SNX31: variants seen among roughly 807,000 people sequenced by gnomAD.
The protein encoded by SNX31 is sorting nexin-31.
SNX31 carries 58 observed loss-of-function variants against 65.4 expected under a neutral mutation model. The ratio of observed to expected loss-of-function variants is 0.89; its 90% CI spans 0.72 to 1.10. The LOEUF is 1.10. Ranked by LOEUF, SNX31 falls within the 50% of genes least tolerant of loss-of-function variation. SNX31 has a pLI of 0.00. For synonymous variants in SNX31, 181 were observed against 190.1 expected (o/e 0.95, Z 0.39); for missense variants, 523 against 529.7 (o/e 0.99, Z 0.12).
rs991399874 is a variant in SNX31 at position 100,594,165 on chromosome 8, C to T, written c.978+2474G>A. Among the ~76,000 whole-genome samples the T allele has an allele frequency of 6.6e-6, 1 of 151,922 alleles. No homozygotes were observed. ...TAAAAATACAAAAAATTAGCCCTGC[C>T]TGGTGGTGCATGCCTGTAATCCCAG... On this transcript the variant is annotated intron_variant, in intron 10 of 13. Transcript: ENST00000311812. This position sits in a 1 kb window ranked among gnomAD's most constrained non-coding sequence, Gnocchi z 4.0.
In SNX31 at chr8:100,581,339, A is replaced by C. The variant is rs563657858; in HGVS notation, c.1170+2772T>G. ...TATATCTATATCTATCTATCTATCT[A>C]TATATATATATATATATAATTTAAG... is the stretch of plus-strand genomic sequence containing the variant. On this transcript the variant is annotated intron_variant, in intron 12 of 13. Transcript: ENST00000311812. 5.2e-4 allele frequency among the ~76,000 whole-genome samples: 64 copies of C among 123,968 alleles called. No homozygotes were observed. The South Asian group carries it at 9.9e-3, about 19-fold the overall frequency. The allele number at this position is 123,968 out of a possible 152,430, so 81.3% of individuals were successfully genotyped here.
chr8:100,624,819 A>T (rs73274525), intron 4 of SNX31, among the ~76,000 whole-genome samples: 30,708 of 151,264 alleles, frequency 0.2, 4,094 homozygotes, highest in African/African-American at 0.38. Context: ...CTTTTTTTTT[A>T]AAGTCAGGGT....
chr8:100,636,141 A>G, intron 2 of SNX31, 130 bp from the exon 3 acceptor site: 1 of 608,616 alleles, frequency 1.6e-6, no homozygotes, highest in South Asian at 2.3e-5. Flanking sequence ...CTGGTAGCCC[A>G]AAGGGGGAAA....
At position 100,576,076 on chromosome 8, in the gene SNX31, A is replaced by T. The variant is rs781389516; in HGVS notation, c.1227+943T>A. Among the ~76,000 whole-genome samples the T allele has an allele frequency of 6.6e-6, 1 of 152,220 alleles. No individual in the cohort carries two copies. Among genetic ancestry groups the T allele is most frequent in the African/African-American group, 2.4e-5 (1 of 41,468 alleles). On this transcript the variant is annotated intron_variant, in intron 13 of 13. Transcript: ENST00000311812. The surrounding 1 kb of genome is among the most constrained non-coding windows in gnomAD (Gnocchi z 4.8). ...ATCTGCCTAATGACACATAGCCAGT[A>T]AGCAGTGGAGTTCCTATCTCGTCTC...
At chr8:100,593,601 GC>G (rs1340883223) in intron 10 of SNX31, among the ~76,000 whole-genome samples, 1 of 151,784 alleles carries the variant, frequency 6.6e-6, no homozygotes, top group Non-Finnish European at 1.5e-5. Context: ...TTACAGATGC[GC>G]CCCACCACGC....
intron 2 of SNX31, among the ~76,000 whole-genome samples, chr8:100,645,067 C>T (rs950527816): frequency 5.9e-5 from 9 of 152,206 alleles, no homozygotes; most frequent in Non-Finnish European, 1.2e-4. Context: ...CTCAGTTATC[C>T]AACATGCAAA....
Position 100,588,731 on chromosome 8 carries a change from C to T in SNX31, c.1092+135G>A, listed in dbSNP as rs1012887922. The T allele has an allele frequency of 2.4e-5, 12 of 509,380 alleles. No individual in the cohort carries two copies. Among genetic ancestry groups the T allele is most frequent in the African/African-American group, 9.8e-5 (5 of 50,796 alleles). 31.6% of individuals were successfully genotyped at this position (509,380 alleles called of 1,614,324 possible). ...ACATAAAACAAAATAAAAGGTATTA[C>T]GGTCCCGAACGAGAGTGCATAGAAC... On this transcript the variant is annotated intron_variant, in intron 11 of 13. Coordinates refer to ENST00000311812, the MANE Select transcript of SNX31 (RefSeq NM_152628.4). The surrounding 1 kb of genome is among the most constrained non-coding windows in gnomAD (Gnocchi z 4.8).
At chr8:100,659,300 A>G (rs939596038) in intron 1 of SNX31, among the ~76,000 whole-genome samples, 24 of 145,690 alleles carry the variant, frequency 1.6e-4, no homozygotes, top group African/African-American at 2.3e-4. Flanking sequence ...AGCTGAGATC[A>G]CACCACTGCC....
At chr8:100,642,835 TTTTG>T (rs1161628434) in intron 2 of SNX31, among the ~76,000 whole-genome samples, 3 of 152,206 alleles carry the variant, frequency 2.0e-5, no homozygotes, top group Non-Finnish European at 4.4e-5. Context: ...TATGTGGTGT[TTTTG>T]TTTGTTTGGA....
Position 100,634,867 on chromosome 8 carries a change from G to A in SNX31, c.256+1030C>T, listed in dbSNP as rs1041443163. On this transcript the variant is annotated intron_variant, in intron 3 of 13. Transcript: ENST00000311812. ...GGCCAGGAGTTTGAGACCAGCCTGGGCAATATAGTGAGACCCCACCTCTGT... is the reference window on the plus strand; with the variant it reads ...GGCCAGGAGTTTGAGACCAGCCTGGACAATATAGTGAGACCCCACCTCTGT... 2.6e-5 allele frequency among the ~76,000 whole-genome samples: 4 copies of A among 151,926 alleles called. No homozygotes were observed. The East Asian group carries it at 7.8e-4, about 30-fold the overall frequency.
intron 10 of SNX31, among the ~76,000 whole-genome samples, chr8:100,592,937 G>A (rs1216782572): frequency 1.3e-5 from 2 of 152,096 alleles, no homozygotes; most frequent in Admixed American, 6.5e-5. Context: ...TCCTCATGCC[G>A]GACTTTCTAT....
intron 9 of SNX31, 64 bp from the exon 10 acceptor site, chr8:100,596,906 A>G (rs1815148666): frequency 1.4e-6 from 2 of 1,384,950 alleles, no homozygotes; most frequent in East Asian, 4.6e-5. Flanking sequence ...CACTTGAAAC[A>G]GATGAAAACC....
chr8:100,593,403 C>G (rs1324445383), intron 10 of SNX31, among the ~76,000 whole-genome samples: 1 of 152,112 alleles, frequency 6.6e-6, no homozygotes, highest in East Asian at 1.9e-4. Context: ...CAGAGGCAAA[C>G]AAACAAACAA....
At chr8:100,574,991 CA>C (rs958804367) in intron 13 of SNX31, among the ~76,000 whole-genome samples, 12 of 152,144 alleles carry the variant, frequency 7.9e-5, no homozygotes, top group African/African-American at 2.9e-4. Context: ...AGGGTTACCG[CA>C]AATCTTTAAA....
chr8:100,653,614 G>C (rs76282876), upstream of SNX31, among the ~76,000 whole-genome samples: 2,524 of 152,248 alleles, frequency 0.017, 59 homozygotes, highest in East Asian at 0.097. Context: ...CTTTCAGAGA[G>C]AGCACGGCTC....
Position 100,626,626 on chromosome 8 carries a change from A to G in SNX31, c.321+3701T>C, listed in dbSNP as rs1046601858. Among the ~76,000 whole-genome samples the G allele has an allele frequency of 6.6e-5, 10 of 152,350 alleles. No individual in the cohort carries two copies. Among genetic ancestry groups the G allele is most frequent in the Admixed American group, 6.5e-4 (10 of 15,292 alleles). On this transcript the variant is annotated intron_variant, in intron 4 of 13. Transcript: ENST00000311812. The surrounding 1 kb of genome is among the most constrained non-coding windows in gnomAD (Gnocchi z 4.4). ...CAGTACTATGTGTCAGCAAACAGCT[A>G]GCTCACAACAGCAGCCTGTTTCAAA...
chr8:100,642,112 A>C (rs1279048860), intron 2 of SNX31, among the ~76,000 whole-genome samples: 1 of 151,974 alleles, frequency 6.6e-6, no homozygotes, highest in Non-Finnish European at 1.5e-5. Context: ...TATAAAGACA[A>C]TTCTGTTTCT....
chr8:100,640,111 A>C (rs1452680758), intron 2 of SNX31, among the ~76,000 whole-genome samples: 2 of 147,648 alleles, frequency 1.4e-5, no homozygotes, highest in Admixed American at 6.7e-5. Flanking sequence ...GAAGAACATC[A>C]GATAATTTCT....
At chr8:100,585,947 G>A (rs555371737) in intron 11 of SNX31, among the ~76,000 whole-genome samples, 163 of 152,096 alleles carry the variant, frequency 1.1e-3, no homozygotes, top group Middle Eastern at 3.2e-3. Context: ...CTGAGATGGA[G>A]TCTTGCTCTG....
Sources: gnomAD v4.1 joint callset for allele counts (sites outside exome capture counted in the v4.1 genomes callset) on GRCh38, gnomAD v4.1.1 for gene constraint, Gnocchi (gnomAD v3.1) non-coding constraint, MANE v1.5 for transcripts, NCBI Gene and HGNC (gene_info 2026-07-23, HGNC 2026-07-21) for gene names.